LRP1B: variants seen among roughly 807,000 people sequenced by gnomAD.
LRP1B encodes low-density lipoprotein receptor-related protein 1B.
Under a neutral mutation model 556.6 loss-of-function variants are expected in LRP1B, and 217 were observed. That is an observed-to-expected ratio of 0.39 (90% CI 0.35 to 0.44). The LOEUF (loss-of-function observed/expected upper bound fraction) is 0.44. LRP1B is among the 20% of genes least tolerant of loss of function. LRP1B has a pLI of 1.00. For missense variants in LRP1B, 5,053 were observed against 5,620.8 expected, an observed-to-expected ratio of 0.90 and a Z score of 3.23; for synonymous variants, 2,047 against 1,865.8, an observed-to-expected ratio of 1.10 and a Z score of -2.50.
At chr2:140,433,379 T>C (rs34601807) in intron 66 of LRP1B, among the ~76,000 whole-genome samples, 48,787 of 152,022 alleles carry the variant, frequency 0.32, 8,350 homozygotes, top group African/African-American at 0.35. Flanking sequence ...AGTACAAGCG[T>C]GAGCCACTGT....
intron 62 of LRP1B, among the ~76,000 whole-genome samples, chr2:140,452,471 C>A (rs1686924564): frequency 6.6e-6 from 1 of 151,998 alleles, no homozygotes; most frequent in African/African-American, 2.4e-5. Context: ...AGTAGAAGTT[C>A]AATGAAAAGC....
Position 141,134,058 on chromosome 2 carries a change from C to G in LRP1B, c.1013+54363G>C, listed in dbSNP as rs528232135. ...TTCCTTTCTCAGTGACTAGTACCACCATGCACTCAGTCACTCACACAAGAA... is the reference window on the plus strand; with the variant it reads ...TTCCTTTCTCAGTGACTAGTACCACGATGCACTCAGTCACTCACACAAGAA... On this transcript the variant is annotated intron_variant, in intron 7 of 90. Transcript: ENST00000389484. Among the ~76,000 whole-genome samples the G allele has an allele frequency of 1.1e-4, 17 of 151,956 alleles. No individual in the cohort carries two copies. The South Asian group carries it at 3.5e-3, about 32-fold the overall frequency.
At chr2:141,524,694 A>T (rs1684636233) in intron 2 of LRP1B, among the ~76,000 whole-genome samples, 1 of 152,062 alleles carries the variant, frequency 6.6e-6, no homozygotes, top group South Asian at 2.1e-4. Flanking sequence ...AATTACCATT[A>T]AATTACTTTC....
At chr2:141,105,567 A>G (rs1344958961) in intron 7 of LRP1B, among the ~76,000 whole-genome samples, 5 of 152,180 alleles carry the variant, frequency 3.3e-5, no homozygotes, top group Non-Finnish European at 7.4e-5. Context: ...AACATGTTCA[A>G]AAAAGCTGAG....
chr2:141,357,025 A>AT (rs1487181633), intron 3 of LRP1B, among the ~76,000 whole-genome samples: 1 of 151,506 alleles, frequency 6.6e-6, no homozygotes, highest in African/African-American at 2.4e-5. Context: ...CACTTTTTAA[A>AT]TTTTTTTATT....
chr2:141,089,829 G>A (rs577140562), intron 7 of LRP1B, among the ~76,000 whole-genome samples: 10 of 152,302 alleles, frequency 6.6e-5, no homozygotes, highest in East Asian at 5.8e-4. Flanking sequence ...ACAGTGCTTC[G>A]CCAAAGAAGA....
At chr2:140,701,895 T>A (rs2105426997) in intron 39 of LRP1B, 50 bp from the exon 40 acceptor site, 1 of 1,607,894 alleles carries the variant, frequency 6.2e-7, no homozygotes, top group African/African-American at 1.3e-5. Context: ...CTAATTAAAG[T>A]CAAGCCAGTT....
chr2:141,305,727 G>A (rs936635670), intron 3 of LRP1B, among the ~76,000 whole-genome samples: 5 of 152,152 alleles, frequency 3.3e-5, no homozygotes, highest in Admixed American at 3.3e-4. Context: ...CTCTGGGTTT[G>A]TTATACACAG....
intron 3 of LRP1B, among the ~76,000 whole-genome samples, chr2:141,348,890 C>T (rs937271835): frequency 1.3e-5 from 2 of 152,004 alleles, no homozygotes. Context: ...CTCACGAGAA[C>T]TGATGATTCT....
chr2:141,925,040 G>A (rs1206028057), intron 1 of LRP1B, among the ~76,000 whole-genome samples: 1 of 152,118 alleles, frequency 6.6e-6, no homozygotes, highest in Admixed American at 6.5e-5. Flanking sequence ...CATATGACAA[G>A]TCTGACAAGA....
chr2:140,809,494 C>T (rs1220007238), intron 32 of LRP1B, among the ~76,000 whole-genome samples: 1 of 152,140 alleles, frequency 6.6e-6, no homozygotes, highest in Non-Finnish European at 1.5e-5. Flanking sequence ...TCAGATCCTA[C>T]TTAACATTTA....
At chr2:141,285,614 G>C (rs573722295) in intron 3 of LRP1B, among the ~76,000 whole-genome samples, 268 of 147,822 alleles carry the variant, frequency 1.8e-3, no homozygotes, top group African/African-American at 6.2e-3. Context: ...CGCCACCAAG[G>C]CCGGCTGATT....
chr2:142,059,003 G>A (rs1559048073), intron 1 of LRP1B, among the ~76,000 whole-genome samples: 1 of 152,086 alleles, frequency 6.6e-6, no homozygotes, highest in African/African-American at 2.4e-5. Context: ...TTATTTACAT[G>A]TAAAATATGG....
At chr2:141,415,909 T>C (rs1307994786) in intron 3 of LRP1B, among the ~76,000 whole-genome samples, 1 of 152,196 alleles carries the variant, frequency 6.6e-6, no homozygotes. Context: ...GGTTATTGAT[T>C]TTTACTAACA....
intron 1 of LRP1B, among the ~76,000 whole-genome samples, chr2:141,928,948 T>C (rs1700412099): frequency 6.6e-6 from 1 of 152,078 alleles, no homozygotes; most frequent in Non-Finnish European, 1.5e-5. Flanking sequence ...TACCACATTG[T>C]TAACCTGATA....
At chr2:141,259,049 T>C (rs1199343148) in intron 3 of LRP1B, among the ~76,000 whole-genome samples, 1 of 152,206 alleles carries the variant, frequency 6.6e-6, no homozygotes, top group East Asian at 1.9e-4. Context: ...ACACCTTCTC[T>C]ATCAAATTCA....
At chr2:141,522,010 G>T (rs1269283833) in intron 2 of LRP1B, among the ~76,000 whole-genome samples, 1 of 152,036 alleles carries the variant, frequency 6.6e-6, no homozygotes. Flanking sequence ...TTTGGATTGG[G>T]TTTCTGTTAT....
intron 1 of LRP1B, among the ~76,000 whole-genome samples, chr2:142,003,767 C>T (rs1392732055): frequency 6.6e-6 from 1 of 152,174 alleles, no homozygotes; most frequent in Admixed American, 6.5e-5. Flanking sequence ...TGCTAGGCCC[C>T]TGACAGTCTT....
intron 7 of LRP1B, among the ~76,000 whole-genome samples, chr2:141,092,804 G>A (rs1922691): frequency 0.36 from 54,202 of 151,962 alleles, 10,096 homozygotes; most frequent in East Asian, 0.66. Flanking sequence ...TCAAGCGTTC[G>A]AGATGTGAAA....
Sources: allele counts gnomAD v4.1 joint callset (sites outside exome capture counted in the v4.1 genomes callset), GRCh38; gene constraint gnomAD v4.1.1; transcripts MANE v1.5; gene names NCBI Gene and HGNC (gene_info 2026-07-23, HGNC 2026-07-21).